The following GABBR2 variants were observed in gnomAD, a reference collection of about 807,000 sequenced individuals.
GABBR2 encodes G-protein coupled receptor 51.
In GABBR2, 23 loss-of-function variants were observed where a neutral mutation model predicts 105.6. That is an observed-to-expected ratio of 0.22 (90% CI 0.16 to 0.31). The LOEUF (loss-of-function observed/expected upper bound fraction) is 0.31. GABBR2 is among the 10% of genes least tolerant of loss of function. The pLI, the probability that GABBR2 is intolerant of heterozygous loss-of-function variation, is 1.00. For missense variants in GABBR2, 734 were observed against 1,245.5 expected, an observed-to-expected ratio of 0.59 and a Z score of 6.18; for synonymous variants, 478 against 499.7, an observed-to-expected ratio of 0.96 and a Z score of 0.58.
Position 98,337,486 on chromosome 9 carries a change from C to T in GABBR2, c.1893+25229G>A, listed in dbSNP as rs886574787. ...TTTTTACAGACATGAAAAAACTGATCGTATAAATCATATGGAATCTCAAGG... is the reference window on the plus strand; with the variant it reads ...TTTTTACAGACATGAAAAAACTGATTGTATAAATCATATGGAATCTCAAGG... On this transcript the variant is annotated intron_variant, in intron 13 of 18. Coordinates refer to ENST00000259455, the MANE Select transcript of GABBR2 (RefSeq NM_005458.8). Among the ~76,000 whole-genome samples, 3 of 152,226 alleles carry T rather than the reference C, an allele frequency of 2.0e-5. No individual in the cohort carries two copies. The South Asian group carries it at 6.2e-4, about 32-fold the overall frequency.
intron 2 of GABBR2, among the ~76,000 whole-genome samples, chr9:98,560,238 C>G (rs1290072508): frequency 1.3e-5 from 2 of 151,910 alleles, no homozygotes; most frequent in Non-Finnish European, 2.9e-5. Flanking sequence ...GAAAACAAAC[C>G]AGGACAAAGG....
At chr9:98,410,624 CCCTGGCTGCATGCTCAGTGG>C (rs1011735657) in intron 7 of GABBR2, among the ~76,000 whole-genome samples, 17 of 151,436 alleles carry the variant, frequency 1.1e-4, no homozygotes, top group South Asian at 4.2e-4. Context: ...GTGTGGGGGC[CCCTGGCTGCATGCTCAGTGG>C]CCAGAGATAG....
chr9:98,703,903 T>G (rs1564156186), intron 1 of GABBR2, among the ~76,000 whole-genome samples: 1 of 152,014 alleles, frequency 6.6e-6, no homozygotes, highest in Non-Finnish European at 1.5e-5. Context: ...TACAGTTAAA[T>G]CTGTACTGAG....
At chr9:98,595,654 C>A (rs181857768) in intron 1 of GABBR2, among the ~76,000 whole-genome samples, 1 of 88,344 alleles carries the variant, frequency 1.1e-5, no homozygotes, top group Non-Finnish European at 2.3e-5. Flanking sequence ...CCAAATGATA[C>A]TTTACAAAAA....
At chr9:98,489,888 T>G (rs1827140306) in intron 4 of GABBR2, among the ~76,000 whole-genome samples, 1 of 151,892 alleles carries the variant, frequency 6.6e-6, no homozygotes, top group Admixed American at 6.6e-5. Flanking sequence ...AGGTCAGGAG[T>G]TTGAGACCAG....
At chr9:98,466,342 T>C (rs1826555134) in intron 6 of GABBR2, among the ~76,000 whole-genome samples, 1 of 152,246 alleles carries the variant, frequency 6.6e-6, no homozygotes, top group South Asian at 2.1e-4. Flanking sequence ...TGGCAGTGGG[T>C]ATTAACTGTA....
At chr9:98,318,526 G>A (rs114657341) in intron 13 of GABBR2, among the ~76,000 whole-genome samples, 1,696 of 152,286 alleles carry the variant, frequency 0.011, 27 homozygotes, top group African/African-American at 0.038. Context: ...TTAGGGGTGG[G>A]CGAGGCAACA....
intron 11 of GABBR2, among the ~76,000 whole-genome samples, chr9:98,383,009 C>T (rs1223069618): frequency 1.3e-5 from 2 of 152,026 alleles, no homozygotes; most frequent in South Asian, 2.1e-4. Context: ...GGCGTGATCT[C>T]GGCTCACTGT....
intron 7 of GABBR2, among the ~76,000 whole-genome samples, chr9:98,443,872 C>T (rs1472272755): frequency 2.0e-5 from 3 of 152,220 alleles, no homozygotes; most frequent in Non-Finnish European, 2.9e-5. Flanking sequence ...TGATGCATCT[C>T]ACCTGGTTGT....
intron 1 of GABBR2, among the ~76,000 whole-genome samples, chr9:98,701,419 C>T (rs1378576682): frequency 2.0e-5 from 3 of 152,128 alleles, no homozygotes; most frequent in African/African-American, 4.8e-5. Context: ...CTGGTAGGCA[C>T]ATGCAGAGGG....
chr9:98,375,749 C>G (rs553125947), intron 11 of GABBR2, among the ~76,000 whole-genome samples: 10 of 152,224 alleles, frequency 6.6e-5, no homozygotes, highest in Admixed American at 2.6e-4. Flanking sequence ...AGACTCCCCC[C>G]CTTCTCCCCC....
At chr9:98,605,231 C>T (rs952521339) in intron 1 of GABBR2, among the ~76,000 whole-genome samples, 2 of 152,344 alleles carry the variant, frequency 1.3e-5, no homozygotes, top group East Asian at 1.9e-4. Flanking sequence ...CCAACTGCAC[C>T]TGCCCTGCCA....
chr9:98,705,933 G>T (rs1251948720), intron 1 of GABBR2, among the ~76,000 whole-genome samples: 1 of 152,040 alleles, frequency 6.6e-6, no homozygotes, highest in Non-Finnish European at 1.5e-5. Context: ...AAAATTAGCT[G>T]GGCATGGTGG....
At chr9:98,519,710 C>CTTTTTTTTTTT (rs11386577) in intron 3 of GABBR2, among the ~76,000 whole-genome samples, 1 of 142,546 alleles carries the variant, frequency 7.0e-6, no homozygotes, top group Non-Finnish European at 1.5e-5. Flanking sequence ...GAGCCGGCAA[C>CTTTTTTTTTTT]TTTTTTTTTT....
intron 2 of GABBR2, among the ~76,000 whole-genome samples, chr9:98,562,839 G>C (rs924084754): frequency 6.6e-6 from 1 of 152,078 alleles, no homozygotes; most frequent in Non-Finnish European, 1.5e-5. Context: ...GGAGGCCTAG[G>C]TGAGAGGATC....
Position 98,406,423 on chromosome 9 carries a change from A to T in GABBR2, c.1237-282T>A, listed in dbSNP as rs1231546147. Among the ~76,000 whole-genome samples, 3 of 152,274 alleles carry T rather than the reference A, an allele frequency of 2.0e-5. No individual in the cohort carries two copies. The East Asian group carries it at 5.8e-4, about 29-fold the overall frequency. ...ATCATGATCACCATGACTATTAATT[A>T]AACACCCACGTGTCCGTGCTATAAT... On this transcript the variant is annotated intron_variant, in intron 7 of 18. Transcript: ENST00000259455.
chr9:98,698,090 C>A, intron 1 of GABBR2, among the ~76,000 whole-genome samples: 1 of 152,192 alleles, frequency 6.6e-6, no homozygotes, highest in East Asian at 1.9e-4. Context: ...TGAAAAATAT[C>A]ATTTTTCTCT....
chr9:98,423,217 C>A (rs970454170), intron 7 of GABBR2, among the ~76,000 whole-genome samples: 2 of 152,236 alleles, frequency 1.3e-5, no homozygotes, highest in Non-Finnish European at 2.9e-5. Flanking sequence ...AACTAGTTTA[C>A]AGTCCCACCA....
At chr9:98,607,605 G>T in intron 1 of GABBR2, 2 of 695,364 alleles carry the variant, frequency 2.9e-6, no homozygotes, top group South Asian at 3.5e-5. Flanking sequence ...ATGGCAAAAT[G>T]ATCAGAGGAA....
Sources: gnomAD v4.1 joint callset for allele counts (sites outside exome capture counted in the v4.1 genomes callset) on GRCh38, gnomAD v4.1.1 for gene constraint, MANE v1.5 for transcripts, NCBI Gene and HGNC (gene_info 2026-07-23, HGNC 2026-07-21) for gene names.